Variants in RGS7 observed in about 807,000 individuals in gnomAD.
RGS7 encodes regulator of G protein signaling 7.
Under a neutral mutation model 81.1 loss-of-function variants are expected in RGS7, and 27 were observed. The observed-to-expected ratio is 0.33, with a 90% CI of 0.25 to 0.46. RGS7 has a LOEUF of 0.46. Ranked by LOEUF, RGS7 falls within the 20% of genes least tolerant of loss-of-function variation. The probability of loss-of-function intolerance (pLI) is 1.00; values close to 1 mark genes in which losing one functional copy is unlikely to be tolerated. For missense variants in RGS7, 396 were observed against 607.4 expected (o/e 0.65, Z 3.66); for synonymous variants, 208 against 207.7 (o/e 1.00, Z -0.01).
chr1:240,976,928 T>C (rs1263796954), intron 4 of RGS7, among the ~76,000 whole-genome samples: 1 of 148,844 alleles, frequency 6.7e-6, no homozygotes, highest in Non-Finnish European at 1.5e-5. Flanking sequence ...ATCATCCATC[T>C]ATCATCTATC....
At chr1:240,827,047 G>A in intron 10 of RGS7, 51 bp downstream of exon 10, 2 of 1,432,290 alleles carry the variant, frequency 1.4e-6, no homozygotes, top group Non-Finnish European at 9.9e-7. Context: ...CTGACGTCCT[G>A]TAAACAATGC....
intron 6 of RGS7, among the ~76,000 whole-genome samples, chr1:240,885,022 ATC>A (rs1475398414): frequency 6.6e-6 from 1 of 152,256 alleles, no homozygotes; most frequent in Non-Finnish European, 1.5e-5. Flanking sequence ...AAGGTCTACT[ATC>A]CAGCATCTAT....
chr1:240,964,574 T>C (rs1037079068), intron 4 of RGS7, among the ~76,000 whole-genome samples: 1 of 152,190 alleles, frequency 6.6e-6, no homozygotes, highest in African/African-American at 2.4e-5. Context: ...ATTTCTTTAA[T>C]GTCACTCTTG....
At chr1:240,901,728 C>T (rs1670045711) in intron 6 of RGS7, among the ~76,000 whole-genome samples, 1 of 152,158 alleles carries the variant, frequency 6.6e-6, no homozygotes, top group Admixed American at 6.6e-5. Context: ...CACTACTCCT[C>T]ACTACGTATG....
At chr1:240,960,219 T>TCTTC (rs1553367158) in intron 4 of RGS7, among the ~76,000 whole-genome samples, 32 of 53,024 alleles carry the variant, frequency 6.0e-4, no homozygotes, top group East Asian at 1.0e-3. Context: ...TTCTTCTTCT[T>TCTTC]TTTTTTTTTT....
intron 3 of RGS7, among the ~76,000 whole-genome samples, chr1:241,085,588 C>A (rs2063389761): frequency 7.1e-6 from 1 of 140,888 alleles, no homozygotes; most frequent in Non-Finnish European, 1.5e-5. Context: ...TCATGCCCGG[C>A]TAATTTTTTA....
At chr1:241,206,971 T>C (rs1573128173) in intron 2 of RGS7, among the ~76,000 whole-genome samples, 1 of 133,736 alleles carries the variant, frequency 7.5e-6, no homozygotes, top group East Asian at 2.2e-4. Flanking sequence ...TTTTTTTTTT[T>C]TTTTTTTTTT....
intron 4 of RGS7, among the ~76,000 whole-genome samples, chr1:240,942,678 G>A (rs568769374): frequency 6.6e-6 from 1 of 152,168 alleles, no homozygotes; most frequent in South Asian, 2.1e-4. Flanking sequence ...TGAAGACAAA[G>A]GTAAGTTACT....
At chr1:241,324,606 G>T (rs1469670964) in intron 2 of RGS7, among the ~76,000 whole-genome samples, 1 of 152,154 alleles carries the variant, frequency 6.6e-6, no homozygotes, top group African/African-American at 2.4e-5. Flanking sequence ...ACACACCACT[G>T]TCTGCTGAAT....
chr1:241,352,889 T>G (rs79841513), intron 2 of RGS7, among the ~76,000 whole-genome samples: 1 of 152,110 alleles, frequency 6.6e-6, no homozygotes, highest in African/African-American at 2.4e-5. Context: ...CAATAGCCTA[T>G]GAAGATAAAA....
intron 2 of RGS7, among the ~76,000 whole-genome samples, chr1:241,320,206 G>A (rs920382156): frequency 6.6e-6 from 1 of 152,180 alleles, no homozygotes; most frequent in African/African-American, 2.4e-5. Context: ...TTCCAACTCT[G>A]TGCCCTAATA....
At chr1:241,030,389 TAC>T (rs1323909819) in intron 3 of RGS7, among the ~76,000 whole-genome samples, 2 of 138,536 alleles carry the variant, frequency 1.4e-5, no homozygotes, top group Non-Finnish European at 1.6e-5. Context: ...CACACATACA[TAC>T]ACACACACAC....
intron 2 of RGS7, among the ~76,000 whole-genome samples, chr1:241,158,720 C>T (rs963024883): frequency 6.6e-6 from 1 of 152,130 alleles, no homozygotes. Context: ...TTTTCCCTAC[C>T]AGTTTAGAAT....
chr1:240,936,557 G>A (rs758541242), intron 5 of RGS7, 43 bp downstream of exon 5: 36 of 1,412,560 alleles, frequency 2.5e-5, no homozygotes, highest in South Asian at 4.6e-5. Flanking sequence ...AACGAAATGC[G>A]GGCTTCTAGT....
intron 2 of RGS7, among the ~76,000 whole-genome samples, chr1:241,165,198 T>C (rs979100678): frequency 2.0e-5 from 3 of 152,182 alleles, no homozygotes; most frequent in Non-Finnish European, 4.4e-5. Context: ...CTACATAAGA[T>C]AAGTAGCATA....
chr1:240,959,908 C>T (rs998655206), intron 4 of RGS7, among the ~76,000 whole-genome samples: 2 of 151,972 alleles, frequency 1.3e-5, no homozygotes, highest in African/African-American at 2.4e-5. Context: ...GCCTGTAATC[C>T]CAGCACTTTG....
intron 2 of RGS7, among the ~76,000 whole-genome samples, chr1:241,340,689 AAGATAAGAAT>A (rs1428981836): frequency 2.0e-5 from 3 of 152,174 alleles, no homozygotes; most frequent in Non-Finnish European, 4.4e-5. Flanking sequence ...TAAGGATGGA[AAGATAAGAAT>A]AAGCAAAAGA....
At chr1:240,963,263 G>A (rs771432099) in intron 4 of RGS7, among the ~76,000 whole-genome samples, 4 of 152,150 alleles carry the variant, frequency 2.6e-5, no homozygotes, top group Non-Finnish European at 4.4e-5. Flanking sequence ...CCCATGAAAC[G>A]TCCAAGTAGA....
chr1:241,223,947 G>A (rs910769242), intron 2 of RGS7, among the ~76,000 whole-genome samples: 1 of 150,122 alleles, frequency 6.7e-6, no homozygotes, highest in African/African-American at 2.5e-5. Flanking sequence ...AAGTTAGATG[G>A]TCATTAAGGT....
Sources: gnomAD v4.1 joint callset for allele counts (sites outside exome capture counted in the v4.1 genomes callset) on GRCh38, gnomAD v4.1.1 for gene constraint, MANE v1.5 for transcripts, NCBI Gene and HGNC (gene_info 2026-07-23, HGNC 2026-07-21) for gene names.